PKP2: variants seen among roughly 807,000 people sequenced by gnomAD.
PKP2 encodes the protein plakophilin-2.
Under a neutral mutation model 83.4 loss-of-function variants are expected in PKP2, and 73 were observed. That is an observed-to-expected ratio of 0.88 (90% CI 0.72 to 1.06). The LOEUF is 1.06. Among genes scored for constraint, PKP2 ranks in the 50% least tolerant of loss-of-function variants. PKP2 has a pLI of 0.00. For missense variants in PKP2, 966 were observed against 1,065.4 expected (o/e 0.91, Z 1.30); for synonymous variants, 409 against 430.4 (o/e 0.95, Z 0.62).
At chr12:32,828,833 C>T (rs1956469169) in intron 6 of PKP2, among the ~76,000 whole-genome samples, 1 of 152,094 alleles carries the variant, frequency 6.6e-6, no homozygotes, top group Non-Finnish European at 1.5e-5. Flanking sequence ...CAGTTAGTTT[C>T]CAGGACATGA....
intron 4 of PKP2, among the ~76,000 whole-genome samples, chr12:32,864,943 G>A (rs971576225): frequency 5.3e-5 from 8 of 152,206 alleles, no homozygotes; most frequent in African/African-American, 1.7e-4. Context: ...AAAGTAGGAT[G>A]TGGTTGACTT....
At chr12:32,871,402 C>T (rs1956895488) in intron 3 of PKP2, among the ~76,000 whole-genome samples, 1 of 152,072 alleles carries the variant, frequency 6.6e-6, no homozygotes, top group African/African-American at 2.4e-5. Context: ...CTCAAGCGAT[C>T]CTCCCACTTC....
intron 9 of PKP2, among the ~76,000 whole-genome samples, chr12:32,813,094 G>C (rs1284632831): frequency 6.6e-6 from 1 of 152,142 alleles, no homozygotes; most frequent in African/African-American, 2.4e-5. Context: ...TTCATCACAA[G>C]ATTGAAGGTT....
intron 1 of PKP2, among the ~76,000 whole-genome samples, chr12:32,891,207 C>A (rs376013128): frequency 1.5e-4 from 23 of 152,058 alleles, no homozygotes; most frequent in African/African-American, 5.3e-4. Context: ...GCACAAGATA[C>A]CTGAAGTCCA....
chr12:32,843,359 T>C (rs1022103739), intron 5 of PKP2: 3 of 1,352,856 alleles, frequency 2.2e-6, no homozygotes, highest in Admixed American at 1.9e-5. Flanking sequence ...GCAGGCTCCT[T>C]TATGAACACA....
rs1332266974 is a variant in PKP2, at chr12:32,810,704, C to T, written c.2014-8148G>A. On this transcript the variant is annotated intron_variant, in intron 9 of 12. Coordinates refer to ENST00000340811, the MANE Select transcript of PKP2 (RefSeq NM_001005242.3). ...TTTTTTTTTTTTTTTTTTTTTGAGA[C>T]GGAGTCTCGCTCTGTCGCCCAGGCT... Among the ~76,000 whole-genome samples, 5 of 3,600 alleles carry T rather than the reference C, an allele frequency of 1.4e-3. 1 individual carries two copies. Among genetic ancestry groups the T allele is most frequent in the Admixed American group, 6.1e-3 (3 of 494 alleles). The allele number at this position is 3,600 out of a possible 152,430, so 2.4% of individuals were successfully genotyped here. A position where few individuals can be genotyped will look rare whatever the true frequency, so the allele number is the denominator to read the frequency against.
At chr12:32,862,917 T>C (rs1956813848) in intron 4 of PKP2, among the ~76,000 whole-genome samples, 1 of 152,048 alleles carries the variant, frequency 6.6e-6, no homozygotes, top group African/African-American at 2.4e-5. Flanking sequence ...GAGAATTGCA[T>C]GAACACGAAA....
chr12:32,793,824 T>C (rs1467173985), intron 11 of PKP2, among the ~76,000 whole-genome samples: 9 of 151,964 alleles, frequency 5.9e-5, no homozygotes. Context: ...CTCGATCTCC[T>C]GACTTCATGA....
At chr12:32,852,943 G>A (rs986602340) in intron 4 of PKP2, among the ~76,000 whole-genome samples, 9 of 152,134 alleles carry the variant, frequency 5.9e-5, no homozygotes, top group Admixed American at 2.6e-4. Flanking sequence ...AATTAGCCAG[G>A]CATGGTGGTG....
intron 5 of PKP2, among the ~76,000 whole-genome samples, chr12:32,850,463 G>A (rs1956685721): frequency 6.6e-6 from 1 of 152,026 alleles, no homozygotes; most frequent in Non-Finnish European, 1.5e-5. Flanking sequence ...CAGCTACTAG[G>A]GAAGCTGAGG....
chr12:32,862,071 A>G (rs1309881938), intron 4 of PKP2, among the ~76,000 whole-genome samples: 1 of 151,890 alleles, frequency 6.6e-6, no homozygotes, highest in Non-Finnish European at 1.5e-5. Context: ...CTAATTTTGT[A>G]TTTTTAGTAG....
intron 9 of PKP2, among the ~76,000 whole-genome samples, chr12:32,815,717 A>C: frequency 6.6e-6 from 1 of 152,208 alleles, no homozygotes; most frequent in Non-Finnish European, 1.5e-5. Context: ...GCTGAGATAT[A>C]ATAAAGAGCA....
intron 6 of PKP2, among the ~76,000 whole-genome samples, chr12:32,830,093 C>T (rs1419778322): frequency 6.6e-6 from 1 of 152,204 alleles, no homozygotes; most frequent in East Asian, 1.9e-4. Flanking sequence ...TGGTAAGACT[C>T]TAAGTGGTAC....
intron 5 of PKP2, among the ~76,000 whole-genome samples, chr12:32,844,856 T>A (rs547407997): frequency 2.6e-5 from 4 of 152,256 alleles, no homozygotes; most frequent in Admixed American, 1.3e-4. Context: ...ACTTATATTT[T>A]AAAAAAAGAT....
At chr12:32,866,351 G>A (rs1474697895) in intron 4 of PKP2, among the ~76,000 whole-genome samples, 1 of 151,882 alleles carries the variant, frequency 6.6e-6, no homozygotes. Context: ...TTGGGAGTTG[G>A]AGACCAGCTT....
intron 9 of PKP2, chr12:32,820,621 G>C (rs1956366766): frequency 6.6e-6 from 1 of 152,218 alleles, no homozygotes; most frequent in South Asian, 2.1e-4. Context: ...TCCTTCCTTT[G>C]GTAGTAACAG....
At chr12:32,854,628 G>A (rs1956729081) in intron 4 of PKP2, among the ~76,000 whole-genome samples, 1 of 152,044 alleles carries the variant, frequency 6.6e-6, no homozygotes, top group African/African-American at 2.4e-5. Context: ...CTGAATCCTC[G>A]GGGTATTTTT....
At chr12:32,891,233 T>C (rs568156320) in intron 1 of PKP2, among the ~76,000 whole-genome samples, 1 of 152,292 alleles carries the variant, frequency 6.6e-6, no homozygotes, top group South Asian at 2.1e-4. Context: ...TGTCTCAGAA[T>C]TGTATAATTT....
chr12:32,880,140 C>T (rs1360474922), intron 1 of PKP2, among the ~76,000 whole-genome samples: 2 of 151,338 alleles, frequency 1.3e-5, no homozygotes, highest in African/African-American at 4.9e-5. Context: ...TGGTGGCTCA[C>T]ACCTGTAATC....
Sources: gnomAD v4.1 joint callset for allele counts (sites outside exome capture counted in the v4.1 genomes callset) on GRCh38, gnomAD v4.1.1 for gene constraint, MANE v1.5 for transcripts, NCBI Gene and HGNC (gene_info 2026-07-23, HGNC 2026-07-21) for gene names.